The following RBM47 variants were observed in gnomAD, a reference collection of about 807,000 sequenced individuals.
The protein encoded by RBM47 is RNA-binding protein 47.
A neutral mutation model predicts 47.1 loss-of-function variants in RBM47; 21 were observed. The ratio of observed to expected loss-of-function variants is 0.45; its 90% CI spans 0.32 to 0.64. The LOEUF is 0.64. Ranked by LOEUF, RBM47 falls within the 30% of genes least tolerant of loss-of-function variation. The pLI is 0.05. For missense variants in RBM47, 708 were observed against 870.9 expected (o/e 0.81, Z 2.35); for synonymous variants, 375 against 361.7 (o/e 1.04, Z -0.42).
At chr4:40,502,632 C>T (rs924431942) in intron 2 of RBM47, among the ~76,000 whole-genome samples, 1 of 151,762 alleles carries the variant, frequency 6.6e-6, no homozygotes, top group Admixed American at 6.6e-5. Context: ...ATTGCTTGAG[C>T]CCAGGAGTTC....
chr4:40,535,497 G>A (rs1727874821), intron 2 of RBM47, among the ~76,000 whole-genome samples: 1 of 150,036 alleles, frequency 6.7e-6, no homozygotes, highest in Non-Finnish European at 1.5e-5. Flanking sequence ...TCAGCCTCCT[G>A]AGTAGCCGGG....
chr4:40,441,274 C>CAA lies in RBM47; in HGVS notation c.-31-2352_-31-2351dup, dbSNP rs71196868. Among the ~76,000 whole-genome samples, 384 of 141,324 alleles carry CAA rather than the reference C, an allele frequency of 2.7e-3. 1 individual carries two copies. The highest frequency in any genetic ancestry group is 0.011 in the Middle Eastern group (3 of 278). 92.7% of individuals were successfully genotyped at this position (141,324 alleles called of 152,430 possible). A position where few individuals can be genotyped will look rare whatever the true frequency, so the allele number is the denominator to read the frequency against. ...CCTCGTTCTCCACAAAAAAAGGAACCAAAAAAAAAAAGATCCCAATTAAAA... is the reference window on the plus strand; with the variant it reads ...CCTCGTTCTCCACAAAAAAAGGAACCAAAAAAAAAAAAAGATCCCAATTAAAA... On this transcript the variant is annotated intron_variant, in intron 3 of 6. Coordinates refer to ENST00000295971, the MANE Select transcript of RBM47 (RefSeq NM_001098634.2).
chr4:40,431,715 T>C (rs946546605), intron 6 of RBM47, among the ~76,000 whole-genome samples: 2 of 147,582 alleles, frequency 1.4e-5, no homozygotes, highest in Non-Finnish European at 3.0e-5. Context: ...AAAGATTCTA[T>C]GGAAGAGATG....
intron 2 of RBM47, among the ~76,000 whole-genome samples, chr4:40,528,140 T>C (rs954292339): frequency 1.7e-4 from 26 of 152,132 alleles, no homozygotes; most frequent in Non-Finnish European, 2.5e-4. Context: ...GGGCCAGGTG[T>C]GGTGGCTCAT....
At chr4:40,447,596 C>T (rs1022985468) in intron 3 of RBM47, among the ~76,000 whole-genome samples, 4 of 152,192 alleles carry the variant, frequency 2.6e-5, no homozygotes, top group Non-Finnish European at 5.9e-5. Context: ...ATAAGACTAC[C>T]GGTCCGCTGC....
At chr4:40,571,391 C>T (rs1731692243) in intron 1 of RBM47, among the ~76,000 whole-genome samples, 1 of 151,974 alleles carries the variant, frequency 6.6e-6, no homozygotes, top group East Asian at 1.9e-4. Flanking sequence ...GTTGGGACAA[C>T]TAGATATTCA....
chr4:40,460,214 G>GT (rs5857730), intron 3 of RBM47, among the ~76,000 whole-genome samples: 2,507 of 143,120 alleles, frequency 0.018, 47 homozygotes, highest in East Asian at 0.097. Flanking sequence ...TTCCATCACT[G>GT]TTTTTTTTTT....
intron 6 of RBM47, among the ~76,000 whole-genome samples, chr4:40,430,081 G>A (rs1230623493): frequency 6.6e-6 from 1 of 151,926 alleles, no homozygotes; most frequent in Non-Finnish European, 1.5e-5. Context: ...TGTAGTCCTA[G>A]CTACTCAGGA....
At chr4:40,501,197 T>G (rs1263309221) in intron 2 of RBM47, among the ~76,000 whole-genome samples, 1 of 152,246 alleles carries the variant, frequency 6.6e-6, no homozygotes. Flanking sequence ...AGTTTTAATT[T>G]AAGCATAATC....
At chr4:40,532,246 G>A (rs529702112) in intron 2 of RBM47, among the ~76,000 whole-genome samples, 12 of 147,600 alleles carry the variant, frequency 8.1e-5, no homozygotes, top group African/African-American at 2.3e-4. Context: ...TCCTGACCTC[G>A]TGATCCACCT....
At chr4:40,457,866 C>A (rs1379984909) in intron 3 of RBM47, among the ~76,000 whole-genome samples, 2 of 152,174 alleles carry the variant, frequency 1.3e-5, no homozygotes, top group Non-Finnish European at 2.9e-5. Flanking sequence ...GCTGTCCTAG[C>A]ACTTTGGGAA....
At chr4:40,469,529 G>T (rs545302594) in intron 2 of RBM47, among the ~76,000 whole-genome samples, 148 of 151,650 alleles carry the variant, frequency 9.8e-4, no homozygotes, top group African/African-American at 3.5e-3. Context: ...TGCCTCCTGG[G>T]TTCAAGCGAT....
At chr4:40,451,069 G>A (rs1376956435) in intron 3 of RBM47, among the ~76,000 whole-genome samples, 2 of 151,786 alleles carry the variant, frequency 1.3e-5, no homozygotes, top group Admixed American at 6.6e-5. Flanking sequence ...AAGGCTGGCC[G>A]GGCACAGTGG....
At chr4:40,561,634 C>T (rs1398414108) in intron 1 of RBM47, among the ~76,000 whole-genome samples, 2 of 151,170 alleles carry the variant, frequency 1.3e-5, no homozygotes, top group Non-Finnish European at 2.9e-5. Context: ...ACTGCAACCT[C>T]CACCTCCTGG....
chr4:40,568,428 C>CAAAAAAA (rs35434439), intron 1 of RBM47, among the ~76,000 whole-genome samples: 1 of 57,574 alleles, frequency 1.7e-5, no homozygotes, highest in Non-Finnish European at 3.3e-5. Context: ...AACCCTGTCT[C>CAAAAAAA]AAAAAAAAAA....
chr4:40,437,747 C>T (rs375072053), intron 4 of RBM47, 24 bp downstream of exon 4: 21 of 1,577,500 alleles, frequency 1.3e-5, no homozygotes, highest in Non-Finnish European at 1.7e-5. Flanking sequence ...GGGGGCCCCA[C>T]CCAGGAGAAG....
chr4:40,494,457 T>G (rs1444253564), intron 2 of RBM47, among the ~76,000 whole-genome samples: 1 of 152,196 alleles, frequency 6.6e-6, no homozygotes, highest in Non-Finnish European at 1.5e-5. Flanking sequence ...TTGCTAAATC[T>G]ACCACTTAAT....
Position 40,424,369 on chromosome 4 carries a change from C to CA in RBM47, c.*1534dup, listed in dbSNP as rs1714744786. ...TTTAAAAAGTAGATGACAATCTTAA[C>CA]ATTTTACTGTATTTTACATTCACTC... On this transcript the variant is annotated 3_prime_UTR_variant, in exon 7 of 7. Transcript: ENST00000295971. 2 of 152,524 alleles carry CA rather than the reference C, an allele frequency of 1.3e-5. No individual in the cohort carries two copies. Among genetic ancestry groups the CA allele is most frequent in the Non-Finnish European group, 1.5e-5 (1 of 68,010 alleles). 9.4% of individuals were successfully genotyped at this position (152,524 alleles called of 1,614,324 possible).
chr4:40,537,570 G>A (rs1365666902), intron 2 of RBM47, among the ~76,000 whole-genome samples: 1 of 147,704 alleles, frequency 6.8e-6, no homozygotes, highest in African/African-American at 2.5e-5. Context: ...AAATTTTTTT[G>A]TAGAGACACG....
Sources: gnomAD v4.1 joint callset for allele counts (sites outside exome capture counted in the v4.1 genomes callset) on GRCh38, gnomAD v4.1.1 for gene constraint, MANE v1.5 for transcripts, NCBI Gene and HGNC (gene_info 2026-07-23, HGNC 2026-07-21) for gene names.